The following SYNRG variants were observed in gnomAD, a reference collection of about 807,000 sequenced individuals.
SYNRG encodes AP1 gamma subunit binding protein 1.
SYNRG carries 37 observed loss-of-function variants against 130.9 expected under a neutral mutation model. The ratio of observed to expected loss-of-function variants is 0.28; its 90% CI spans 0.22 to 0.37. The LOEUF (loss-of-function observed/expected upper bound fraction) is 0.37, where lower values mean the gene tolerates loss of function less well. SYNRG is among the 10% of genes least tolerant of loss of function. The probability of loss-of-function intolerance (pLI) is 1.00; values close to 1 mark genes in which losing one functional copy is unlikely to be tolerated. For missense variants in SYNRG, 1,338 were observed against 1,588.9 expected (o/e 0.84, Z 2.68); for synonymous variants, 539 against 568.1 (o/e 0.95, Z 0.73).
At chr17:37,525,822 C>T (rs765863645) in intron 19 of SYNRG, among the ~76,000 whole-genome samples, 2 of 152,162 alleles carry the variant, frequency 1.3e-5, no homozygotes, top group Non-Finnish European at 2.9e-5. Context: ...AAAAATTAGC[C>T]AGGTGTGGTG....
intron 3 of SYNRG, among the ~76,000 whole-genome samples, chr17:37,592,704 T>A (rs1350508662): frequency 6.6e-6 from 1 of 152,202 alleles, no homozygotes; most frequent in Non-Finnish European, 1.5e-5. Context: ...ATAACATTTT[T>A]GAAAACACAA....
intron 11 of SYNRG, chr17:37,567,973 T>C (rs1466764481): frequency 1.3e-5 from 2 of 152,076 alleles, no homozygotes; most frequent in Non-Finnish European, 2.9e-5. Context: ...GGAGGTCAAG[T>C]AGAGAGACTC....
At chr17:37,539,910 T>C (rs1403720866) in intron 16 of SYNRG, among the ~76,000 whole-genome samples, 1 of 152,144 alleles carries the variant, frequency 6.6e-6, no homozygotes, top group African/African-American at 2.4e-5. Flanking sequence ...TATAACGCTG[T>C]GTGGCTGTGT....
intron 11 of SYNRG, among the ~76,000 whole-genome samples, chr17:37,561,896 C>T (rs1347764822): frequency 8.3e-6 from 1 of 120,000 alleles, no homozygotes; most frequent in African/African-American, 2.9e-5. Context: ...ACTGGAATGG[C>T]GTTGGAAGTA....
At chr17:37,580,510 T>TGTGTGTGTGA (rs1384344164) in intron 6 of SYNRG, among the ~76,000 whole-genome samples, 27 of 127,710 alleles carry the variant, frequency 2.1e-4, no homozygotes, top group African/African-American at 9.5e-4. Flanking sequence ...TGTGTGTGTG[T>TGTGTGTGTGA]GAGAGAGAGA....
At chr17:37,603,923 A>C (rs2063511838) in intron 1 of SYNRG, among the ~76,000 whole-genome samples, 1 of 152,152 alleles carries the variant, frequency 6.6e-6, no homozygotes, top group African/African-American at 2.4e-5. Context: ...TAGCTAGGAA[A>C]GTCTTAGATG....
chr17:37,574,829 T>C (rs1412088535), intron 8 of SYNRG, among the ~76,000 whole-genome samples: 1 of 152,024 alleles, frequency 6.6e-6, no homozygotes, highest in Non-Finnish European at 1.5e-5. Context: ...ACAGCCACTA[T>C]GGAGAACAGT....
intron 19 of SYNRG, among the ~76,000 whole-genome samples, chr17:37,529,258 C>T (rs2056332483): frequency 6.6e-6 from 1 of 152,114 alleles, no homozygotes; most frequent in South Asian, 2.1e-4. Flanking sequence ...TAGATGGGCC[C>T]CAAACCCAAT....
chr17:37,555,533 C>T lies in SYNRG; in HGVS notation c.1664-1474G>A, dbSNP rs530787736. ...ACAGATGATCTCAGTTTTCTAATAG[C>T]ATCTGAAGGTCTACCATAAAATCCA... On this transcript the variant is annotated intron_variant, in intron 13 of 21. Coordinates refer to ENST00000612223, the MANE Select transcript of SYNRG (RefSeq NM_007247.6). 4.6e-5 allele frequency among the ~76,000 whole-genome samples: 7 copies of T among 152,298 alleles called. No homozygotes were observed. The South Asian group carries it at 1.5e-3, about 32-fold the overall frequency.
chr17:37,564,641 A>C (rs546591683), intron 11 of SYNRG, among the ~76,000 whole-genome samples: 482 of 152,360 alleles, frequency 3.2e-3, no homozygotes, highest in African/African-American at 0.011. Flanking sequence ...TTCTCTAACA[A>C]GTAATGCCCA....
At chr17:37,561,094 C>T (rs1441348648) in intron 13 of SYNRG, 101 bp downstream of exon 13, 9 of 974,864 alleles carry the variant, frequency 9.2e-6, no homozygotes, top group Admixed American at 6.4e-5. Context: ...CACAGACACA[C>T]ACACACTAAA....
At chr17:37,597,118 C>A (rs2062845590) in intron 2 of SYNRG, among the ~76,000 whole-genome samples, 1 of 152,178 alleles carries the variant, frequency 6.6e-6, no homozygotes, top group South Asian at 2.1e-4. Context: ...AAGCCACTGC[C>A]ACGTCATGAA....
In SYNRG at chr17:37,576,455, A is replaced by G. The variant is rs367948114; in HGVS notation, c.824-37T>C. The G allele has an allele frequency of 7.6e-6, 12 of 1,570,512 alleles. No individual in the cohort carries two copies. The African/African-American group carries it at 8.1e-5, about 11-fold the overall frequency. On this transcript the variant is annotated intron_variant, in intron 7 of 21. Transcript: ENST00000612223. Reference sequence around the variant, plus strand: ...GAAACATTAATGTATATAGTGGTCCATGGAGAAGATGGCGAAATCACACTG... The same window carrying G: ...GAAACATTAATGTATATAGTGGTCCGTGGAGAAGATGGCGAAATCACACTG...
rs142835114 is a variant in SYNRG at position 37,573,508 on chromosome 17, T to A, written c.902-1521A>T. Among the ~76,000 whole-genome samples the A allele has an allele frequency of 1.6e-3, 240 of 152,272 alleles. 1 individual carries two copies. The highest frequency in any genetic ancestry group is 5.5e-3 in the African/African-American group (230 of 41,560). On this transcript the variant is annotated intron_variant, in intron 8 of 21. Coordinates refer to ENST00000612223, the MANE Select transcript of SYNRG (RefSeq NM_007247.6). ...AGGGCGAAAGTAAAGTAATACAAAC[T>A]GGCAGAAAATGGATAAAACTCCAAA...
chr17:37,521,108 CG>C (rs1384226945), intron 19 of SYNRG, among the ~76,000 whole-genome samples: 1 of 151,160 alleles, frequency 6.6e-6, no homozygotes, highest in African/African-American at 2.4e-5. Context: ...TCTCAGCTCA[CG>C]GCAACCTCTG....
At chr17:37,522,830 G>C (rs573626444) in intron 19 of SYNRG, among the ~76,000 whole-genome samples, 7 of 151,876 alleles carry the variant, frequency 4.6e-5, no homozygotes, top group Admixed American at 2.0e-4. Flanking sequence ...GAGTAGAGAC[G>C]GGGTTTCACC....
At position 37,540,488 on chromosome 17, in the gene SYNRG, A is replaced by G; in HGVS notation, c.3258T>C (p.Pro1086=). Reference sequence around the variant, plus strand: ...TGAAAGGCTGCTCCAAAGCTGGAGAAGGAGAAGAACGGCTTATTTCTTTAT... The same window carrying G: ...TGAAAGGCTGCTCCAAAGCTGGAGAGGGAGAAGAACGGCTTATTTCTTTAT... ...LGDKEISRSS[P]SPALEQPFRD... Residue 1086 remains proline, a synonymous_variant, in exon 16 of 22, where the codon CCT becomes CCC. Transcript: ENST00000612223. The G allele has an allele frequency of 1.2e-6, 2 of 1,614,072 alleles. No homozygotes were observed.
At chr17:37,601,973 T>C (rs1439177203) in intron 1 of SYNRG, among the ~76,000 whole-genome samples, 1 of 151,954 alleles carries the variant, frequency 6.6e-6, no homozygotes, top group African/African-American at 2.4e-5. Context: ...TAGGCTCTTT[T>C]GAATAAAGGT....
At chr17:37,530,832 T>C (rs943273406) in intron 19 of SYNRG, among the ~76,000 whole-genome samples, 3 of 152,236 alleles carry the variant, frequency 2.0e-5, no homozygotes, top group African/African-American at 7.2e-5. Flanking sequence ...TAGTCCTCCT[T>C]AGTCAGGTGG....
Sources: gnomAD v4.1 joint callset for allele counts (sites outside exome capture counted in the v4.1 genomes callset) on GRCh38, gnomAD v4.1.1 for gene constraint, MANE v1.5 for transcripts, NCBI Gene and HGNC (gene_info 2026-07-23, HGNC 2026-07-21) for gene names.